Variants in HBP1 observed in about 807,000 individuals in gnomAD.
HBP1 encodes the protein HMG box-containing protein 1.
A neutral mutation model predicts 62.6 loss-of-function variants in HBP1; 20 were observed. That is an observed-to-expected ratio of 0.32 (90% CI 0.22 to 0.46). The LOEUF (loss-of-function observed/expected upper bound fraction) is 0.46, where lower values mean the gene tolerates loss of function less well. Ranked by LOEUF, HBP1 falls within the 20% of genes least tolerant of loss-of-function variation. The pLI, the probability that HBP1 is intolerant of heterozygous loss-of-function variation, is 1.00. For synonymous variants in HBP1, 232 were observed against 206.2 expected (o/e 1.12, Z -1.07); for missense variants, 480 against 611.8 (o/e 0.78, Z 2.27).
At chr7:107,183,028 G>A (rs139579502) in intron 3 of HBP1, among the ~76,000 whole-genome samples, 2 of 152,194 alleles carry the variant, frequency 1.3e-5, no homozygotes, top group Non-Finnish European at 2.9e-5. Flanking sequence ...TTGCCTGTTT[G>A]CTAATTCTAA....
chr7:107,200,314 A>G lies in HBP1; in HGVS notation c.1527+13A>G. 1 of 1,606,162 alleles carries G rather than the reference A, an allele frequency of 6.2e-7. No individual in the cohort carries two copies. Among genetic ancestry groups the G allele is most frequent in the Non-Finnish European group, 8.5e-7 (1 of 1,175,598 alleles). The stretch of plus-strand genomic sequence containing the variant: ...AAGAACCAATTCAGTATGTTTCAAT[A>G]AATAGTGTTTAAAATTATCTTGCCT... On this transcript the variant is annotated intron_variant, in intron 10 of 10. Coordinates refer to ENST00000222574, the MANE Select transcript of HBP1 (RefSeq NM_012257.4).
Position 107,198,401 on chromosome 7 carries a change from G to C in HBP1, c.1386-1759G>C, listed in dbSNP as rs560115300. ...TTTTTTGTAGTTTTAGTAGAGATGG[G>C]GTTTCACCTTGTTGGCTAGGCTGGT... On this transcript the variant is annotated intron_variant, in intron 9 of 10. Coordinates refer to ENST00000222574, the MANE Select transcript of HBP1 (RefSeq NM_012257.4). Among the ~76,000 whole-genome samples, 7 of 152,038 alleles carry C rather than the reference G, an allele frequency of 4.6e-5. No individual in the cohort carries two copies. In the South Asian group the frequency reaches 1.5e-3, roughly 32 times the overall value.
rs187985318 is a variant in HBP1, at chr7:107,191,590, A to G, written c.1067+1273A>G. On this transcript the variant is annotated intron_variant, in intron 8 of 10. Coordinates refer to ENST00000222574, the MANE Select transcript of HBP1 (RefSeq NM_012257.4). Reference sequence around the variant, plus strand: ...ATGATAGCAAAAATGTGGAAACAGTATCAATACTTATTAACTGGAGAGTGA... The same window carrying G: ...ATGATAGCAAAAATGTGGAAACAGTGTCAATACTTATTAACTGGAGAGTGA... 8.9e-4 allele frequency among the ~76,000 whole-genome samples: 135 copies of G among 152,356 alleles called. 2 individuals are homozygous for G. Among genetic ancestry groups the G allele is most frequent in the Non-Finnish European group, 1.0e-4 (7 of 68,034 alleles).
At chr7:107,188,003 G>C (rs1448658150) in intron 6 of HBP1, among the ~76,000 whole-genome samples, 1 of 152,092 alleles carries the variant, frequency 6.6e-6, no homozygotes, top group East Asian at 1.9e-4. Flanking sequence ...GGAAACCTGG[G>C]CTCTCTTTAT....
intron 6 of HBP1, among the ~76,000 whole-genome samples, chr7:107,188,631 A>T (rs1350287355): frequency 1.3e-5 from 2 of 152,028 alleles, no homozygotes; most frequent in African/African-American, 4.8e-5. Context: ...TTGAATTTAA[A>T]TTTTTCTGGT....
rs946488645 is a variant in HBP1 at position 107,186,156 on chromosome 7, CTTT to C, written c.541-198_541-196del. On this transcript the variant is annotated intron_variant, in intron 4 of 10. Coordinates refer to ENST00000222574, the MANE Select transcript of HBP1 (RefSeq NM_012257.4). ...TTTGTTTTGTGTGTGTCTTTTTTTT[CTTT>C]TTTTTTCTTTTTTTTTTTTTTTTAG... 1.4e-3 allele frequency among the ~76,000 whole-genome samples: 177 copies of C among 127,278 alleles called. 2 individuals are homozygous for C. The highest frequency in any genetic ancestry group is 4.8e-3 in the African/African-American group (163 of 33,994). 83.5% of individuals were successfully genotyped at this position (127,278 alleles called of 152,430 possible). A position where few individuals can be genotyped will look rare whatever the true frequency, so the allele number is the denominator to read the frequency against.
chr7:107,191,720 A>C (rs1797659679), intron 8 of HBP1, among the ~76,000 whole-genome samples: 1 of 152,222 alleles, frequency 6.6e-6, no homozygotes, highest in Admixed American at 6.5e-5. Flanking sequence ...ATGTTAAGTA[A>C]AAATAAGTCT....
chr7:107,169,772 G>GA, intron 1 of HBP1: 1 of 985,070 alleles, frequency 1.0e-6, no homozygotes, highest in Non-Finnish European at 1.2e-6. Context: ...GAGCCGAGGG[G>GA]AAAAACAAGC....
intron 1 of HBP1, among the ~76,000 whole-genome samples, chr7:107,179,073 G>C (rs1365271014): frequency 6.6e-6 from 1 of 152,148 alleles, no homozygotes; most frequent in African/African-American, 2.4e-5. Context: ...TGCTGAAGTA[G>C]TTCACTTTCA....
At chr7:107,181,071 G>T (rs1434724088) in intron 2 of HBP1, among the ~76,000 whole-genome samples, 1 of 152,174 alleles carries the variant, frequency 6.6e-6, no homozygotes, top group Non-Finnish European at 1.5e-5. Flanking sequence ...CATGAAAATT[G>T]TAGGGTAGAA....
At chr7:107,169,848 G>T (rs4730222) in intron 1 of HBP1, 12 of 985,124 alleles carry the variant, frequency 1.2e-5, no homozygotes, top group Non-Finnish European at 1.3e-5. Context: ...GGCGAAAGAG[G>T]GTGGGGGATG....
chr7:107,190,944 G>C (rs1797623099), intron 8 of HBP1, among the ~76,000 whole-genome samples: 1 of 152,156 alleles, frequency 6.6e-6, no homozygotes, highest in Admixed American at 6.5e-5. Context: ...CCTGGTTTTT[G>C]CACTGAAAGT....
intron 9 of HBP1, among the ~76,000 whole-genome samples, chr7:107,198,907 T>G (rs1042491740): frequency 6.6e-6 from 1 of 152,220 alleles, no homozygotes; most frequent in Non-Finnish European, 1.5e-5. Flanking sequence ...TAATAAATGT[T>G]TCGCAAGTGC....
intron 1 of HBP1, among the ~76,000 whole-genome samples, chr7:107,172,511 T>C (rs1020643154): frequency 1.3e-5 from 2 of 151,974 alleles, no homozygotes; most frequent in Admixed American, 1.3e-4. Context: ...ATGTGACTTA[T>C]CTTATATGAC....
chr7:107,169,849 G>T lies in HBP1; in HGVS notation c.-16+664G>T, dbSNP rs1354750474. The T allele has an allele frequency of 4.1e-6, 4 of 985,372 alleles. No homozygotes were observed. In the African/African-American group the frequency reaches 7.0e-5, roughly 17 times the overall value. The allele number at this position is 985,372 out of a possible 1,614,324, so 61.0% of individuals were successfully genotyped here. A position where few individuals can be genotyped will look rare whatever the true frequency, so the allele number is the denominator to read the frequency against. On this transcript the variant is annotated intron_variant, in intron 1 of 10. Transcript: ENST00000222574. ...GGAACGCGATGAATGGCGAAAGAGG[G>T]TGGGGGATGGACTTGGCGTGAACCG... is the stretch of plus-strand genomic sequence containing the variant.
intron 9 of HBP1, among the ~76,000 whole-genome samples, chr7:107,199,395 A>ATAAT (rs1798095104): frequency 6.6e-6 from 1 of 152,232 alleles, no homozygotes; most frequent in Non-Finnish European, 1.5e-5. Flanking sequence ...AAATTGGTTT[A>ATAAT]TAATTAAGGA....
At chr7:107,181,316 T>TA (rs1180972348) in intron 2 of HBP1, among the ~76,000 whole-genome samples, 2 of 151,948 alleles carry the variant, frequency 1.3e-5, no homozygotes, top group African/African-American at 4.8e-5. Context: ...AAATTTTCTT[T>TA]AAAAATTAGC....
At chr7:107,188,361 C>G (rs1031818246) in intron 6 of HBP1, among the ~76,000 whole-genome samples, 2 of 152,168 alleles carry the variant, frequency 1.3e-5, no homozygotes, top group African/African-American at 4.8e-5. Context: ...AGATTCAAAA[C>G]CATGAAGTTG....
intron 2 of HBP1, among the ~76,000 whole-genome samples, chr7:107,181,533 A>G (rs1172410777): frequency 4.0e-5 from 6 of 151,632 alleles, no homozygotes; most frequent in Non-Finnish European, 4.4e-5. Context: ...ATTCTGGAAT[A>G]TTTGCCTGAA....
Sources: gnomAD v4.1 joint callset for allele counts (sites outside exome capture counted in the v4.1 genomes callset) on GRCh38, gnomAD v4.1.1 for gene constraint, MANE v1.5 for transcripts, NCBI Gene and HGNC (gene_info 2026-07-23, HGNC 2026-07-21) for gene names.